Variants in PTPRZ1 observed in about 807,000 individuals in gnomAD.
PTPRZ1 encodes receptor-type tyrosine-protein phosphatase zeta.
Under a neutral mutation model 214.1 loss-of-function variants are expected in PTPRZ1, and 82 were observed. The ratio of observed to expected loss-of-function variants is 0.38; its 90% CI spans 0.32 to 0.46. The LOEUF is 0.46. PTPRZ1 is among the 20% of genes least tolerant of loss of function. The pLI is 1.00. For synonymous variants in PTPRZ1, 945 were observed against 987.9 expected, an observed-to-expected ratio of 0.96 and a Z score of 0.81; for missense variants, 2,603 against 2,748.7, an observed-to-expected ratio of 0.95 and a Z score of 1.19.
chr7:122,010,367 G>A lies in PTPRZ1; in HGVS notation c.1321G>A (p.Ala441Thr), dbSNP rs114942634. Residue 441 changes from alanine to threonine, a missense_variant, in exon 12 of 30, where the codon GCT becomes ACT. By Grantham distance (58) the Ala-to-Thr change is moderately conservative. Around this residue, in one of 6 missense-constraint regions of PTPRZ1, gnomAD observed 1,913 missense variants for 1,914.3 expected, o/e 1.00. Coordinates refer to ENST00000393386, the MANE Select transcript of PTPRZ1 (RefSeq NM_002851.3). ...AGAGGGAAAAGACATTGAAGAAGGCGCTATTGTGAATCCTGGTAGAGACAG... is the reference window on the plus strand; with the variant it reads ...AGAGGGAAAAGACATTGAAGAAGGCACTATTGTGAATCCTGGTAGAGACAG... ...EEEGKDIEEG[A>T]IVNPGRDSAT... The A allele has an allele frequency of 1.5e-4, 240 of 1,612,194 alleles. No individual in the cohort carries two copies. The African/African-American group carries it at 2.3e-3, about 15-fold the overall frequency.
In PTPRZ1 at chr7:122,012,580, T is replaced by G. The variant is rs780469902; in HGVS notation, c.3534T>G (p.Thr1178=). ...ATGAGACCTCAGCTTCTTTTAGTAC[T>G]GAAGTATTGCTACAACCTTCCTTTC... The part of the protein sequence containing the change: ...LFYETSASFS[T]EVLLQPSFQA... The change falls in exon 12 of 30, where the codon ACT becomes ACG. Residue 1178 remains threonine, a synonymous_variant. Coordinates refer to ENST00000393386, the MANE Select transcript of PTPRZ1 (RefSeq NM_002851.3). The G allele has an allele frequency of 1.9e-6, 3 of 1,613,438 alleles. No homozygotes were observed. In the East Asian group the frequency reaches 6.7e-5, roughly 36 times the overall value.
At chr7:122,035,032 C>A (rs1799493444) in intron 17 of PTPRZ1, among the ~76,000 whole-genome samples, 2 of 151,960 alleles carry the variant, frequency 1.3e-5, no homozygotes. Flanking sequence ...TGTTTATATT[C>A]CCCTTCATCT....
intron 1 of PTPRZ1, among the ~76,000 whole-genome samples, chr7:121,926,235 G>A (rs1013945336): frequency 6.8e-6 from 1 of 147,306 alleles, no homozygotes; most frequent in African/African-American, 2.5e-5. Context: ...AACCGGAGAG[G>A]TGGAGGTTGC....
intron 1 of PTPRZ1, among the ~76,000 whole-genome samples, chr7:121,908,123 A>G (rs1795170004): frequency 1.3e-5 from 2 of 152,126 alleles, no homozygotes; most frequent in South Asian, 2.1e-4. Flanking sequence ...AGAGGATACC[A>G]TGTTTTATAT....
chr7:121,926,799 G>A (rs111331720), intron 1 of PTPRZ1, among the ~76,000 whole-genome samples: 323 of 152,218 alleles, frequency 2.1e-3, no homozygotes, highest in African/African-American at 7.0e-3. Flanking sequence ...TGTGTGATAC[G>A]TAGATTATAT....
intron 2 of PTPRZ1, among the ~76,000 whole-genome samples, chr7:121,940,262 G>A (rs937922370): frequency 1.3e-5 from 2 of 152,146 alleles, no homozygotes; most frequent in African/African-American, 4.8e-5. Flanking sequence ...GTTAGGAAAC[G>A]AAAGGAAAAG....
intron 8 of PTPRZ1, among the ~76,000 whole-genome samples, chr7:121,988,186 A>C (rs1217232885): frequency 6.6e-6 from 1 of 152,212 alleles, no homozygotes; most frequent in Non-Finnish European, 1.5e-5. Context: ...AAAATAAATA[A>C]ATACATAAAT....
intron 4 of PTPRZ1, among the ~76,000 whole-genome samples, chr7:121,974,662 T>C (rs1797374688): frequency 6.6e-6 from 1 of 152,034 alleles, no homozygotes; most frequent in South Asian, 2.1e-4. Context: ...TAATTTTTTC[T>C]ATCTTTAAGT....
At chr7:121,913,080 AT>A (rs1482776899) in intron 1 of PTPRZ1, among the ~76,000 whole-genome samples, 2 of 152,230 alleles carry the variant, frequency 1.3e-5, no homozygotes, top group African/African-American at 4.8e-5. Context: ...TCATGCCTTC[AT>A]GACACAGTAA....
At chr7:121,956,789 G>A (rs1796720359) in intron 2 of PTPRZ1, among the ~76,000 whole-genome samples, 2 of 152,232 alleles carry the variant, frequency 1.3e-5, no homozygotes, top group African/African-American at 2.4e-5. Flanking sequence ...AGGTGGCCAT[G>A]TATGTCAAAG....
chr7:121,923,400 C>T (rs1795658754), intron 1 of PTPRZ1, among the ~76,000 whole-genome samples: 1 of 152,146 alleles, frequency 6.6e-6, no homozygotes, highest in Non-Finnish European at 1.5e-5. Flanking sequence ...TCCTAGAATT[C>T]AAACTTAGAT....
chr7:121,913,422 G>A (rs1222791903), intron 1 of PTPRZ1, among the ~76,000 whole-genome samples: 1 of 152,196 alleles, frequency 6.6e-6, no homozygotes, highest in African/African-American at 2.4e-5. Context: ...ATATGAAATA[G>A]TTTGAGAAGC....
In PTPRZ1 at chr7:122,004,643, A is replaced by G. The variant is rs1798429901; in HGVS notation, c.1270A>G (p.Thr424Ala). Residue 424 changes from threonine to alanine, a missense_variant, in exon 11 of 30, where the codon ACT becomes GCT. This residue lies in a region of PTPRZ1 where 244 missense variants were observed against 333.2 expected (regional missense o/e 0.73). Coordinates refer to ENST00000393386, the MANE Select transcript of PTPRZ1 (RefSeq NM_002851.3). ...TGATCTTTTCCCTGAATTAATTGGA[A>G]CTGAAGAAATAATCAAGGTATCATA... ...ELDLFPELIG[T>A]EEIIKEEEEG... 1 of 1,362,216 alleles carries G rather than the reference A, an allele frequency of 7.3e-7. No homozygotes were observed. The highest frequency in any genetic ancestry group is 1.0e-6 in the Non-Finnish European group (1 of 978,942). The allele number at this position is 1,362,216 out of a possible 1,614,324, so 84.4% of individuals were successfully genotyped here.
chr7:122,058,696 G>T, intron 27 of PTPRZ1, 104 bp from the exon 28 acceptor site: 1 of 923,490 alleles, frequency 1.1e-6, no homozygotes, highest in South Asian at 1.8e-5. Flanking sequence ...ACTCATGCCT[G>T]CCATTGGGTT....
At chr7:122,041,005 A>G in intron 21 of PTPRZ1, 26 bp downstream of exon 21, 3 of 1,459,066 alleles carry the variant, frequency 2.1e-6, no homozygotes, top group South Asian at 3.0e-5. Flanking sequence ...GTGCCTCTAA[A>G]CCCATAGAAT....
chr7:122,028,664 C>A, intron 14 of PTPRZ1, 21 bp downstream of exon 14: 1 of 1,485,220 alleles, frequency 6.7e-7, no homozygotes, highest in South Asian at 1.1e-5. Context: ...AAAGTGTGAC[C>A]ATGAGTAGCT....
chr7:121,997,843 A>ACAAATT, intron 9 of PTPRZ1, 37 bp from the exon 10 acceptor site: 1 of 1,573,852 alleles, frequency 6.4e-7, no homozygotes. Flanking sequence ...GTCCTATGAG[A>ACAAATT]ATAACATTTG....
chr7:121,958,189 T>C (rs1196479), intron 2 of PTPRZ1, among the ~76,000 whole-genome samples: 142,127 of 152,264 alleles, frequency 0.93, 66,590 homozygotes, highest in South Asian at 0.98. Context: ...CTCTGTAGTC[T>C]GAATTGCAAG....
intron 13 of PTPRZ1, among the ~76,000 whole-genome samples, chr7:122,020,580 A>T (rs867332056): frequency 6.6e-6 from 1 of 152,168 alleles, no homozygotes; most frequent in Non-Finnish European, 1.5e-5. Context: ...GGACACAGTG[A>T]GGTCTGGAGC....
Sources: gnomAD v4.1 joint callset for allele counts (sites outside exome capture counted in the v4.1 genomes callset) on GRCh38, gnomAD v4.1.1 for gene constraint, gnomAD v4.1.1 regional missense constraint, MANE v1.5 for transcripts, NCBI Gene and HGNC (gene_info 2026-07-23, HGNC 2026-07-21) for gene names.